GPC5: variants seen among roughly 807,000 people sequenced by gnomAD.
GPC5 encodes the protein glypican-5.
In GPC5, 47 loss-of-function variants were observed where a neutral mutation model predicts 53.9. The observed-to-expected ratio is 0.87, with a 90% CI of 0.69 to 1.11. The LOEUF is 1.11. Ranked by LOEUF, GPC5 falls within the 50% of genes most tolerant of loss-of-function variation. GPC5 has a pLI of 0.00. For synonymous variants in GPC5, 286 were observed against 263.3 expected (o/e 1.09, Z -0.84); for missense variants, 748 against 713.1 (o/e 1.05, Z -0.56).
chr13:92,706,965 G>GA (rs1887973332), intron 7 of GPC5, among the ~76,000 whole-genome samples: 1 of 152,108 alleles, frequency 6.6e-6, no homozygotes, highest in Non-Finnish European at 1.5e-5. Flanking sequence ...ATAAAAAGAT[G>GA]AAAATATGTG....
chr13:91,543,465 T>A (rs541315963), intron 2 of GPC5, among the ~76,000 whole-genome samples: 5 of 151,494 alleles, frequency 3.3e-5, no homozygotes, highest in Non-Finnish European at 7.4e-5. Flanking sequence ...ATTGCTTTTG[T>A]TTTTTTCCCT....
intron 7 of GPC5, among the ~76,000 whole-genome samples, chr13:92,528,664 G>A (rs563138804): frequency 3.3e-5 from 5 of 152,064 alleles, no homozygotes; most frequent in Admixed American, 2.6e-4. Flanking sequence ...ATGTTCTAAG[G>A]AAAGGAACTT....
chr13:92,225,358 A>C, intron 7 of GPC5, among the ~76,000 whole-genome samples: 1 of 152,122 alleles, frequency 6.6e-6, no homozygotes. Flanking sequence ...TTGGTTTCTG[A>C]ATGGCTTATG....
chr13:91,645,161 C>G (rs1197107090), intron 2 of GPC5, among the ~76,000 whole-genome samples: 7 of 152,204 alleles, frequency 4.6e-5, no homozygotes, highest in Non-Finnish European at 1.0e-4. Flanking sequence ...CTAGAAGAAG[C>G]TCTTTCAACA....
At chr13:92,851,473 C>T (rs1214951035) in intron 7 of GPC5, among the ~76,000 whole-genome samples, 3 of 152,130 alleles carry the variant, frequency 2.0e-5, no homozygotes, top group Non-Finnish European at 4.4e-5. Context: ...GGCTTTTGAT[C>T]TATAGTATTT....
At chr13:91,571,921 T>TA (rs1426983247) in intron 2 of GPC5, among the ~76,000 whole-genome samples, 1 of 108,764 alleles carries the variant, frequency 9.2e-6, no homozygotes, top group African/African-American at 3.6e-5. Flanking sequence ...TATACACATA[T>TA]TGTATATATA....
At chr13:91,667,315 G>GT (rs2035138820) in intron 2 of GPC5, among the ~76,000 whole-genome samples, 1 of 151,864 alleles carries the variant, frequency 6.6e-6, no homozygotes, top group African/African-American at 2.4e-5. Flanking sequence ...TGTGTGTGTG[G>GT]GTATGTGTGT....
chr13:92,756,160 G>A (rs1021235461), intron 7 of GPC5, among the ~76,000 whole-genome samples: 3 of 152,038 alleles, frequency 2.0e-5, no homozygotes, highest in African/African-American at 7.2e-5. Flanking sequence ...TCCCTGGGAT[G>A]CAAGGCTGGT....
chr13:92,435,206 C>T (rs1234055015), intron 7 of GPC5, among the ~76,000 whole-genome samples: 2 of 152,166 alleles, frequency 1.3e-5, no homozygotes, highest in African/African-American at 4.8e-5. Flanking sequence ...TGAGCCACTG[C>T]ACCCAGCAGT....
intron 7 of GPC5, among the ~76,000 whole-genome samples, chr13:92,717,684 C>T (rs1254649914): frequency 6.6e-6 from 1 of 152,156 alleles, no homozygotes; most frequent in Non-Finnish European, 1.5e-5. Context: ...AGAGCAAAAC[C>T]TTTGAGAAAT....
chr13:92,070,298 C>T (rs1444041564), intron 6 of GPC5, among the ~76,000 whole-genome samples: 1 of 152,170 alleles, frequency 6.6e-6, no homozygotes, highest in African/African-American at 2.4e-5. Flanking sequence ...ATAAAAAATG[C>T]AAGAGTGATG....
intron 2 of GPC5, among the ~76,000 whole-genome samples, chr13:91,572,213 GTATA>G (rs72458913): frequency 1.2e-5 from 1 of 84,546 alleles, no homozygotes; most frequent in Non-Finnish European, 2.2e-5. Flanking sequence ...ATATATACGT[GTATA>G]TATATACACA....
In GPC5 at chr13:92,834,666, C is replaced by T. The variant is rs554943599; in HGVS notation, c.1562-31616C>T. On this transcript the variant is annotated intron_variant, in intron 7 of 7. Coordinates refer to ENST00000377067, the MANE Select transcript of GPC5 (RefSeq NM_004466.6). ...CGTCTAATGTCTGTTCTCCCACATGCAATGTTGGCCTGAGAGACCCCAAAT... is the reference window on the plus strand; with the variant it reads ...CGTCTAATGTCTGTTCTCCCACATGTAATGTTGGCCTGAGAGACCCCAAAT... Among the ~76,000 whole-genome samples the T allele has an allele frequency of 2.6e-5, 4 of 152,138 alleles. No individual in the cohort carries two copies. In the South Asian group the frequency reaches 6.2e-4, roughly 24 times the overall value.
chr13:91,660,091 T>C (rs962024519), intron 2 of GPC5, among the ~76,000 whole-genome samples: 14 of 152,170 alleles, frequency 9.2e-5, no homozygotes, highest in Non-Finnish European at 5.9e-5. Flanking sequence ...GGGCATCATA[T>C]GTGGTTGGTT....
chr13:92,718,650 G>A (rs1227265759), intron 7 of GPC5, among the ~76,000 whole-genome samples: 1 of 152,042 alleles, frequency 6.6e-6, no homozygotes, highest in Non-Finnish European at 1.5e-5. Context: ...CAACAACAGG[G>A]TGACTACAGT....
chr13:92,019,074 C>T (rs910194622), intron 6 of GPC5, among the ~76,000 whole-genome samples: 1 of 151,936 alleles, frequency 6.6e-6, no homozygotes, highest in African/African-American at 2.4e-5. Context: ...ATTGGAAACA[C>T]ATTAATTTTA....
intron 2 of GPC5, among the ~76,000 whole-genome samples, chr13:91,555,168 T>C (rs377541890): frequency 4.4e-4 from 67 of 152,154 alleles, no homozygotes; most frequent in African/African-American, 1.6e-3. Context: ...TTTTACCAAC[T>C]AGAATACAGT....
At chr13:92,798,494 G>C (rs1876784772) in intron 7 of GPC5, among the ~76,000 whole-genome samples, 1 of 151,784 alleles carries the variant, frequency 6.6e-6, no homozygotes, top group Non-Finnish European at 1.5e-5. Context: ...ATTTGAGAAA[G>C]GAAAATTATT....
chr13:92,638,888 G>T (rs1430134655), intron 7 of GPC5, among the ~76,000 whole-genome samples: 1 of 152,110 alleles, frequency 6.6e-6, no homozygotes, highest in African/African-American at 2.4e-5. Context: ...ATTTTATTTT[G>T]ACACATTTGT....
Sources: gnomAD v4.1 joint callset for allele counts (sites outside exome capture counted in the v4.1 genomes callset) on GRCh38, gnomAD v4.1.1 for gene constraint, MANE v1.5 for transcripts, NCBI Gene and HGNC (gene_info 2026-07-23, HGNC 2026-07-21) for gene names.